Variants in BCL2L14 observed in about 807,000 individuals in gnomAD.
The protein encoded by BCL2L14 is apoptosis facilitator Bcl-2-like protein 14.
In BCL2L14, 27 loss-of-function variants were observed where a neutral mutation model predicts 35.3. That is an observed-to-expected ratio of 0.76 (90% CI 0.56 to 1.05). The LOEUF (loss-of-function observed/expected upper bound fraction) is 1.05, where lower values mean the gene tolerates loss of function less well. BCL2L14 is among the 50% of genes least tolerant of loss of function. BCL2L14 has a pLI of 0.00. For synonymous variants in BCL2L14, 139 were observed against 145.9 expected (o/e 0.95, Z 0.34); for missense variants, 377 against 382.6 (o/e 0.99, Z 0.12).
chr12:12,057,501 T>C (rs1478420919), intron 2 of BCL2L14, among the ~76,000 whole-genome samples: 1 of 152,144 alleles, frequency 6.6e-6, no homozygotes, highest in Non-Finnish European at 1.5e-5. Flanking sequence ...CTCACGCCTG[T>C]AATCCCAGCA....
In BCL2L14 at chr12:12,087,252, CT is replaced by C; in HGVS notation, c.474del (p.Glu159LysfsTer24). ...GTCATTTCCATTGCCAACCGAGTAG[CT>C]GAAATTGTTTACTCCTGGCCACCAC... ...PKVISIANRV[A>X]EIVYSWPPPQ... On this transcript the variant is annotated frameshift_variant, in exon 3 of 6. Transcript: ENST00000308721. LOFTEE classifies it high-confidence loss of function. The C allele has an allele frequency of 6.2e-7, 1 of 1,614,168 alleles. No homozygotes were observed. The highest frequency in any genetic ancestry group is 8.5e-7 in the Non-Finnish European group (1 of 1,180,028).
In BCL2L14 at chr12:12,099,213, T is replaced by C. The variant is rs571979112; in HGVS notation, c.*225T>C. The C allele has an allele frequency of 9.4e-6, 5 of 533,758 alleles. No individual in the cohort carries two copies. The highest frequency in any genetic ancestry group is 2.3e-5 in the South Asian group (1 of 43,774). 33.1% of individuals were successfully genotyped at this position (533,758 alleles called of 1,614,324 possible). ...ACAGTGATGTTTTTCAGGCCCTCCA[T>C]TGAGAACCTGAGGAAATCTGTAAAG... On this transcript the variant is annotated 3_prime_UTR_variant, in exon 6 of 6. Transcript: ENST00000308721.
At chr12:12,078,857 C>T (rs567128555) in intron 1 of BCL2L14, among the ~76,000 whole-genome samples, 5 of 152,186 alleles carry the variant, frequency 3.3e-5, no homozygotes, top group South Asian at 4.1e-4. Context: ...AGTGCAGTGG[C>T]GCAATCTCAG....
intron 5 of BCL2L14, among the ~76,000 whole-genome samples, chr12:12,097,131 C>T (rs952380712): frequency 4.6e-5 from 7 of 151,670 alleles, no homozygotes; most frequent in Non-Finnish European, 7.4e-5. Flanking sequence ...GGAGAGAGAG[C>T]GAGACTCTGT....
upstream of BCL2L14, among the ~76,000 whole-genome samples, chr12:12,066,754 C>T (rs907623517): frequency 6.6e-6 from 1 of 150,978 alleles, no homozygotes; most frequent in African/African-American, 2.4e-5. Flanking sequence ...CTCGCTCTGT[C>T]GCCCAGGCTG....
At chr12:12,076,638 G>A (rs1160264774) in intron 1 of BCL2L14, among the ~76,000 whole-genome samples, 2 of 152,152 alleles carry the variant, frequency 1.3e-5, no homozygotes, top group African/African-American at 2.4e-5. Flanking sequence ...ACCTGATGTT[G>A]CAGCATAGCC....
intron 5 of BCL2L14, chr12:12,096,305 G>A (rs540484575): frequency 1.7e-4 from 63 of 361,382 alleles, no homozygotes; most frequent in African/African-American, 1.3e-3. Context: ...ACCCACTAAT[G>A]TAGCTAAAAT....
intron 3 of BCL2L14, 23 bp from the exon 4 acceptor site, chr12:12,090,756 A>G: frequency 1.2e-6 from 2 of 1,602,058 alleles, no homozygotes; most frequent in Non-Finnish European, 1.7e-6. Flanking sequence ...CTTAAAAGAA[A>G]TAACTGGAAT....
chr12:12,075,410 ATTCTTTCT>A (rs71057801), intron 1 of BCL2L14, among the ~76,000 whole-genome samples: 17,608 of 142,834 alleles, frequency 0.12, 1,074 homozygotes, highest in African/African-American at 0.15. Flanking sequence ...ATATGTTTCT[ATTCTTTCT>A]TTCTTTCTTT....
In BCL2L14 at chr12:12,094,850, C is replaced by T. The variant is rs1565490552; in HGVS notation, c.865C>T (p.Pro289Ser). 14 of 1,614,182 alleles carry T rather than the reference C, an allele frequency of 8.7e-6. No individual in the cohort carries two copies. The highest frequency in any genetic ancestry group is 1.2e-5 in the Non-Finnish European group (14 of 1,180,036). Residue 289 changes from proline to serine, a missense_variant, in exon 5 of 6, where the codon CCG (proline) becomes TCG (serine). Coordinates refer to ENST00000308721, the MANE Select transcript of BCL2L14 (RefSeq NM_138723.2). ...TAKLTAIDNH[P>S]MNRVLGFGTK... ...CAAGCTCACAGCTATTGACAACCAC[C>T]CGATGAACAGGGTCCTGGGCTTTGG...
chr12:12,050,490 T>C (rs1591796367), intron 1 of BCL2L14, among the ~76,000 whole-genome samples: 1 of 142,586 alleles, frequency 7.0e-6, no homozygotes, highest in East Asian at 2.0e-4. Flanking sequence ...CTCAAAAATA[T>C]GGAAAACCAG....
chr12:12,085,960 T>C (rs967642877), intron 2 of BCL2L14, among the ~76,000 whole-genome samples: 4 of 152,162 alleles, frequency 2.6e-5, no homozygotes, highest in Non-Finnish European at 5.9e-5. Context: ...AAATGTTACA[T>C]GGTAAAACCC....
chr12:12,056,768 G>T (rs75613455), intron 2 of BCL2L14, among the ~76,000 whole-genome samples: 6 of 152,148 alleles, frequency 3.9e-5, no homozygotes, highest in African/African-American at 1.4e-4. Flanking sequence ...GGAAGGCCTC[G>T]GAGGTTGCAG....
chr12:12,058,787 TG>T (rs1474843396), intron 2 of BCL2L14, among the ~76,000 whole-genome samples: 1 of 152,218 alleles, frequency 6.6e-6, no homozygotes, highest in Non-Finnish European at 1.5e-5. Context: ...GCATGAAATT[TG>T]GTGCCATGAC....
In BCL2L14 at chr12:12,090,866, A is replaced by T; in HGVS notation, c.678+17A>T. The T allele has an allele frequency of 1.3e-6, 2 of 1,592,854 alleles. No homozygotes were observed. Among genetic ancestry groups the T allele is most frequent in the Non-Finnish European group, 1.7e-6 (2 of 1,166,268 alleles). On this transcript the variant is annotated intron_variant, in intron 4 of 5. Coordinates refer to ENST00000308721, the MANE Select transcript of BCL2L14 (RefSeq NM_138723.2). ...GAAAGAAAGGTATGGAACACCTTGAACTGATGCGATTGATTTCTGTGCCCA... is the reference window on the plus strand; with the variant it reads ...GAAAGAAAGGTATGGAACACCTTGATCTGATGCGATTGATTTCTGTGCCCA...
chr12:12,057,023 C>A (rs1441700743), intron 2 of BCL2L14, among the ~76,000 whole-genome samples: 1 of 151,538 alleles, frequency 6.6e-6, no homozygotes, highest in African/African-American at 2.4e-5. Context: ...TATAAAAGAA[C>A]ATGTGGCAAA....
Position 12,094,742 on chromosome 12 carries a change from G to T in BCL2L14, c.757G>T (p.Val253Phe). ...YSVFKTITDQ[V>F]LMGVDPRGES... is the part of the protein sequence containing the mutation. ...TGTTTTCAAGACCATCACAGACCAG[G>T]TCCTAATGGGTGTGGACCCCAGGGG... is the stretch of plus-strand genomic sequence containing the variant. The change falls in exon 5 of 6, where the codon GTC becomes TTC. Residue 253 changes from valine (V) to phenylalanine (F), a missense_variant. Coordinates refer to ENST00000308721, the MANE Select transcript of BCL2L14 (RefSeq NM_138723.2). 6.2e-7 allele frequency: 1 copy of T among 1,614,192 alleles called. No individual in the cohort carries two copies. Among genetic ancestry groups the T allele is most frequent in the South Asian group, 1.1e-5 (1 of 91,088 alleles).
Position 12,079,577 on chromosome 12 carries a change from CT to C in BCL2L14, c.274del (p.Ser92LeufsTer8). 1 of 1,614,220 alleles carries C rather than the reference CT, an allele frequency of 6.2e-7. No homozygotes were observed. The highest frequency in any genetic ancestry group is 8.5e-7 in the Non-Finnish European group (1 of 1,180,052). On this transcript the variant is annotated frameshift_variant, in exon 2 of 6. Coordinates refer to ENST00000308721, the MANE Select transcript of BCL2L14 (RefSeq NM_138723.2). LOFTEE classifies it high-confidence loss of function. ...EKAINLGKKK[S>X]SWKAFFGVVE... ...GCCATAAACCTTGGCAAGAAAAAGT[CT>C]TCTTGGAAAGCATTCTTTGGAGTAG...
rs539376486 is a variant in BCL2L14 at position 12,057,624 on chromosome 12, A to G, written c.-272+5777A>G. Among the ~76,000 whole-genome samples the G allele has an allele frequency of 5.3e-5, 8 of 152,002 alleles. No homozygotes were observed. In the South Asian group the frequency reaches 1.2e-3, roughly 24 times the overall value. On this transcript the variant is annotated intron_variant, in intron 2 of 3. Transcript: ENST00000461264. Reference sequence around the variant, plus strand: ...AATACAAAATTAGCTGGGTGTGGTGACACATGCCTGTAATCCCAGCTACTA... The same window carrying G: ...AATACAAAATTAGCTGGGTGTGGTGGCACATGCCTGTAATCCCAGCTACTA...
Sources: allele counts gnomAD v4.1 joint callset (sites outside exome capture counted in the v4.1 genomes callset), GRCh38; gene constraint gnomAD v4.1.1; transcripts MANE v1.5; gene names NCBI Gene and HGNC (gene_info 2026-07-23, HGNC 2026-07-21).